HDLBP: variants seen among roughly 807,000 people sequenced by gnomAD.
HDLBP encodes high density lipoprotein binding protein.
A neutral mutation model predicts 137.3 loss-of-function variants in HDLBP; 30 were observed. The ratio of observed to expected loss-of-function variants is 0.22; its 90% CI spans 0.16 to 0.30. The LOEUF (loss-of-function observed/expected upper bound fraction) is 0.30, where lower values mean the gene tolerates loss of function less well. HDLBP is among the 10% of genes least tolerant of loss of function. The pLI, the probability that HDLBP is intolerant of heterozygous loss-of-function variation, is 1.00. For missense variants in HDLBP, 1,119 were observed against 1,667.3 expected, an observed-to-expected ratio of 0.67 and a Z score of 5.73; for synonymous variants, 606 against 596.0, an observed-to-expected ratio of 1.02 and a Z score of -0.24.
At chr2:241,278,125 C>A (rs970330135) in intron 1 of HDLBP, among the ~76,000 whole-genome samples, 1 of 152,088 alleles carries the variant, frequency 6.6e-6, no homozygotes. Context: ...TATTTAAAAG[C>A]CAAAGCCTGA....
chr2:241,249,208 A>G, intron 12 of HDLBP: 1 of 422,810 alleles, frequency 2.4e-6, no homozygotes, highest in Non-Finnish European at 4.9e-6. Context: ...TGAGGTGAAC[A>G]AAGAATCCCC....
At chr2:241,243,813 G>C (rs1334270926) in intron 16 of HDLBP, 1 of 152,184 alleles carries the variant, frequency 6.6e-6, no homozygotes, top group Non-Finnish European at 1.5e-5. Flanking sequence ...AAATGTTTCA[G>C]AGTGACTTCA....
intron 5 of HDLBP, among the ~76,000 whole-genome samples, chr2:241,259,714 A>G (rs1344701895): frequency 6.6e-6 from 1 of 152,138 alleles, no homozygotes; most frequent in African/African-American, 2.4e-5. Context: ...TGCTCATGCA[A>G]TCTGCTCACC....
rs559366588 is a variant in HDLBP at position 241,306,224 on chromosome 2, T to TA, written c.-103+9345dup. ...TTACCCAGGTTCTGAGGCATCTGTT[T>TA]AAAAAAAAAAATGAAAAATGAAAAA... On this transcript the variant is annotated intron_variant, in intron 1 of 27. Coordinates refer to ENST00000310931, the MANE Select transcript of HDLBP (RefSeq NM_005336.6). Among the ~76,000 whole-genome samples, 1,339 of 145,684 alleles carry TA rather than the reference T, an allele frequency of 9.2e-3. 15 individuals carry two copies. The highest frequency in any genetic ancestry group is 0.017 in the Middle Eastern group (5 of 286).
At chr2:241,286,637 A>G (rs2074821559) in intron 1 of HDLBP, among the ~76,000 whole-genome samples, 1 of 152,200 alleles carries the variant, frequency 6.6e-6, no homozygotes, top group African/African-American at 2.4e-5. Context: ...CACCTTGGGC[A>G]CACGTCATCA....
At chr2:241,261,323 A>C (rs2073158425) in intron 5 of HDLBP, among the ~76,000 whole-genome samples, 1 of 152,228 alleles carries the variant, frequency 6.6e-6, no homozygotes, top group Non-Finnish European at 1.5e-5. Context: ...ACTGAAAGAA[A>C]CATCTTGGAG....
At chr2:241,273,355 C>A (rs944118887) in intron 1 of HDLBP, 4 of 611,318 alleles carry the variant, frequency 6.5e-6, no homozygotes, top group African/African-American at 2.0e-5. Flanking sequence ...TTAATCTCCC[C>A]CCCAAAATGT....
At position 241,227,489 on chromosome 2, in the gene HDLBP, G is replaced by A. The variant is rs2069244365; in HGVS notation, c.*2112C>T. On this transcript the variant is annotated 3_prime_UTR_variant, in exon 28 of 28. Coordinates refer to ENST00000310931, the MANE Select transcript of HDLBP (RefSeq NM_005336.6). Reference sequence around the variant, plus strand: ...CACGCCTCACCCCTGCCTCATCTCTGCCCAGGGCTGTCCTGACAGCACAGA... The same window carrying A: ...CACGCCTCACCCCTGCCTCATCTCTACCCAGGGCTGTCCTGACAGCACAGA... The A allele has an allele frequency of 6.6e-6, 1 of 152,554 alleles. No individual in the cohort carries two copies. Among genetic ancestry groups the A allele is most frequent in the East Asian group, 1.9e-4 (1 of 5,198 alleles). The allele number at this position is 152,554 out of a possible 1,614,324, so 9.5% of individuals were successfully genotyped here.
intron 1 of HDLBP, among the ~76,000 whole-genome samples, chr2:241,289,730 G>A (rs2074945893): frequency 6.6e-6 from 1 of 152,194 alleles, no homozygotes; most frequent in South Asian, 2.1e-4. Flanking sequence ...TGGCAGAGAA[G>A]GAAGATCAGT....
chr2:241,287,402 C>T (rs1020014129), intron 1 of HDLBP, among the ~76,000 whole-genome samples: 4 of 150,340 alleles, frequency 2.7e-5, no homozygotes, highest in African/African-American at 4.9e-5. Context: ...CCACCGCGCC[C>T]GGCCTATTTC....
chr2:241,230,986 G>A lies in HDLBP; in HGVS notation c.3289-42C>T, dbSNP rs2149316328. 1 of 1,569,354 alleles carries A rather than the reference G, an allele frequency of 6.4e-7. No homozygotes were observed. The highest frequency in any genetic ancestry group is 8.8e-7 in the Non-Finnish European group (1 of 1,141,710). ...TAGTCAGAAAAGGGGATGCCTTACT[G>A]GGATTCCCGTCAGGGGCAAGAGCCG... On this transcript the variant is annotated intron_variant, in intron 24 of 27. Transcript: ENST00000310931. This position sits in a 1 kb window ranked among gnomAD's most constrained non-coding sequence, Gnocchi z 5.0.
In HDLBP at chr2:241,272,855, C is replaced by G; in HGVS notation, c.-102-4314G>C. 3.2e-6 allele frequency: 1 copy of G among 308,754 alleles called. No homozygotes were observed. The highest frequency in any genetic ancestry group is 4.7e-6 in the Non-Finnish European group (1 of 211,572). The allele number at this position is 308,754 out of a possible 1,614,324, so 19.1% of individuals were successfully genotyped here. Reference sequence around the variant, plus strand: ...CCGAGGCGCGGCGCCCGGGCCCCGGCTGCTATATAGGGCGGCGGCCCAATC... The same window carrying G: ...CCGAGGCGCGGCGCCCGGGCCCCGGGTGCTATATAGGGCGGCGGCCCAATC... On this transcript the variant is annotated intron_variant, in intron 1 of 27. Transcript: ENST00000310931. The surrounding 1 kb of genome is among the most constrained non-coding windows in gnomAD (Gnocchi z 5.6).
At chr2:241,245,834 A>G (rs995236116) in intron 16 of HDLBP, among the ~76,000 whole-genome samples, 8 of 152,168 alleles carry the variant, frequency 5.3e-5, no homozygotes, top group African/African-American at 1.7e-4. Context: ...GAAAAAAATA[A>G]CATAGACTTT....
At chr2:241,237,214 G>T (rs2070650339) in intron 20 of HDLBP, among the ~76,000 whole-genome samples, 1 of 152,178 alleles carries the variant, frequency 6.6e-6, no homozygotes, top group Admixed American at 6.5e-5. Flanking sequence ...CCCAGGAGAG[G>T]CAGTGGGAAG....
At chr2:241,306,821 G>A (rs534705938) in intron 1 of HDLBP, among the ~76,000 whole-genome samples, 19 of 151,366 alleles carry the variant, frequency 1.3e-4, no homozygotes, top group South Asian at 8.4e-4. Context: ...GGCGGAAGTT[G>A]CAGTGAGCGG....
At chr2:241,298,234 C>T (rs903344499) in intron 1 of HDLBP, among the ~76,000 whole-genome samples, 3 of 151,704 alleles carry the variant, frequency 2.0e-5, no homozygotes, top group Non-Finnish European at 4.4e-5. Context: ...GGCGTGGTGG[C>T]GCGTGCCTGT....
chr2:241,300,076 T>C (rs2075337771), intron 1 of HDLBP, among the ~76,000 whole-genome samples: 2 of 152,184 alleles, frequency 1.3e-5, no homozygotes, highest in South Asian at 2.1e-4. Flanking sequence ...ATTTTTTTTT[T>C]CTGGTTCACG....
chr2:241,266,807 C>A lies in HDLBP; in HGVS notation c.63G>T (p.Pro21=). 2 of 1,609,090 alleles carry A rather than the reference C, an allele frequency of 1.2e-6. No homozygotes were observed. The highest frequency in any genetic ancestry group is 1.1e-5 in the South Asian group (1 of 90,970). The part of the protein sequence containing the change: ...SFAEHRSGLV[P]QQIKVATLNS... ...AAGGGCTGTCACCTTTGATTTGTTG[C>A]GGAACCAGCCCACTTCGGTGTTCAG... The change falls in exon 3 of 28, where the codon CCG becomes CCT. Residue 21 remains proline, a synonymous_variant. Coordinates refer to ENST00000310931, the MANE Select transcript of HDLBP (RefSeq NM_005336.6).
Position 241,233,787 on chromosome 2 carries a change from C to T in HDLBP, c.3288+33G>A. 1 of 1,613,292 alleles carries T rather than the reference C, an allele frequency of 6.2e-7. No individual in the cohort carries two copies. Among genetic ancestry groups the T allele is most frequent in the Non-Finnish European group, 8.5e-7 (1 of 1,179,780 alleles). ...TCACAGGAAAGGTCAACAAGCACCT[C>T]TGCCCCCGACACGCTCCAACCGAGG... is the stretch of plus-strand genomic sequence containing the variant. On this transcript the variant is annotated intron_variant, in intron 24 of 27. Coordinates refer to ENST00000310931, the MANE Select transcript of HDLBP (RefSeq NM_005336.6). This position sits in a 1 kb window ranked among gnomAD's most constrained non-coding sequence, Gnocchi z 4.3.
Sources: allele counts gnomAD v4.1 joint callset (sites outside exome capture counted in the v4.1 genomes callset), GRCh38; gene constraint gnomAD v4.1.1; non-coding constraint Gnocchi (gnomAD v3.1); transcripts MANE v1.5; gene names NCBI Gene and HGNC (gene_info 2026-07-23, HGNC 2026-07-21).